LPCAT1: variants seen among roughly 807,000 people sequenced by gnomAD.
The protein encoded by LPCAT1 is lysophosphatidylcholine acyltransferase 1.
A neutral mutation model predicts 60.9 loss-of-function variants in LPCAT1; 23 were observed. That is an observed-to-expected ratio of 0.38 (90% CI 0.27 to 0.53). LPCAT1 has a LOEUF of 0.53. LPCAT1 is among the 20% of genes least tolerant of loss of function. The probability of loss-of-function intolerance (pLI) is 0.82; values close to 1 mark genes in which losing one functional copy is unlikely to be tolerated. For missense variants in LPCAT1, 622 were observed against 723.6 expected (o/e 0.86, Z 1.61); for synonymous variants, 340 against 301.1 (o/e 1.13, Z -1.34).
chr5:1,519,281 G>C (rs751486995), intron 1 of LPCAT1, among the ~76,000 whole-genome samples: 3 of 152,228 alleles, frequency 2.0e-5, no homozygotes, highest in African/African-American at 7.2e-5. Flanking sequence ...GTGTACACTC[G>C]CATGTATATG....
chr5:1,466,227 G>T (rs1370081720), intron 13 of LPCAT1, among the ~76,000 whole-genome samples: 2 of 152,196 alleles, frequency 1.3e-5, no homozygotes, highest in East Asian at 3.9e-4. Context: ...CCGACAGCTC[G>T]TGCTCTGGAA....
chr5:1,487,942 C>A lies in LPCAT1; in HGVS notation c.667+449G>T, dbSNP rs191261104. On this transcript the variant is annotated intron_variant, in intron 5 of 13. Transcript: ENST00000283415. This position sits in a 1 kb window ranked among gnomAD's most constrained non-coding sequence, Gnocchi z 6.1. The stretch of plus-strand genomic sequence containing the variant: ...TTCACACGCATTTGAGTCCCCCCTC[C>A]CCAGGGAGAAAGAACACTGTCTAAC... Among the ~76,000 whole-genome samples the A allele has an allele frequency of 2.0e-4, 31 of 152,294 alleles. No homozygotes were observed. The highest frequency in any genetic ancestry group is 7.0e-4 in the African/African-American group (29 of 41,548).
At position 1,474,787 on chromosome 5, in the gene LPCAT1, G is replaced by A. The variant is rs967699367; in HGVS notation, c.900-102C>T. The stretch of plus-strand genomic sequence containing the variant: ...ATGGCTCAGGGGAGAGGAGGGCTGA[G>A]GAGAGGCAGTGAGACAGGGGAAGGG... On this transcript the variant is annotated intron_variant, in intron 9 of 13. Transcript: ENST00000283415. The A allele has an allele frequency of 7.6e-6, 11 of 1,448,240 alleles. 1 individual carries two copies. The Admixed American group carries it at 2.8e-4, about 36-fold the overall frequency. 89.7% of individuals were successfully genotyped at this position (1,448,240 alleles called of 1,614,324 possible).
intron 12 of LPCAT1, among the ~76,000 whole-genome samples, chr5:1,470,545 GGT>G (rs1381301377): frequency 6.6e-6 from 1 of 152,180 alleles, no homozygotes; most frequent in African/African-American, 2.4e-5. Context: ...AGTGTGTGAT[GGT>G]GTGTGACACC....
At chr5:1,500,551 C>T (rs1048613334) in intron 2 of LPCAT1, among the ~76,000 whole-genome samples, 1 of 151,782 alleles carries the variant, frequency 6.6e-6, no homozygotes, top group East Asian at 1.9e-4. Context: ...AGGCAGCAGG[C>T]CAGGCCAACG....
intron 3 of LPCAT1, among the ~76,000 whole-genome samples, chr5:1,492,230 G>C (rs1019427225): frequency 6.6e-6 from 1 of 152,068 alleles, no homozygotes; most frequent in Non-Finnish European, 1.5e-5. Context: ...CTGGGACAAG[G>C]GGAGATGTCT....
chr5:1,466,977 C>T (rs1479912626), intron 12 of LPCAT1, 87 bp from the exon 13 acceptor site: 19 of 1,323,672 alleles, frequency 1.4e-5, no homozygotes, highest in Non-Finnish European at 1.6e-5. Flanking sequence ...GGCCCTGCCC[C>T]GCTTTGTCAG....
chr5:1,507,752 A>G, intron 1 of LPCAT1, among the ~76,000 whole-genome samples: 1 of 152,254 alleles, frequency 6.6e-6, no homozygotes, highest in Non-Finnish European at 1.5e-5. Flanking sequence ...ACAGGGATCC[A>G]GCAACAGCCA....
At position 1,521,108 on chromosome 5, in the gene LPCAT1, C is replaced by T. The variant is rs1346981709; in HGVS notation, c.135+2602G>A. On this transcript the variant is annotated intron_variant, in intron 1 of 13. Coordinates refer to ENST00000283415, the MANE Select transcript of LPCAT1 (RefSeq NM_024830.5). The surrounding 1 kb of genome is among the most constrained non-coding windows in gnomAD (Gnocchi z 4.3). ...GCTCTCTACTAAATCTATATCCTTG[C>T]TTTAGCCAGAGGATTAAAACATTGC... Among the ~76,000 whole-genome samples the T allele has an allele frequency of 6.6e-6, 1 of 152,188 alleles. No homozygotes were observed. The highest frequency in any genetic ancestry group is 1.5e-5 in the Non-Finnish European group (1 of 68,034).
At chr5:1,470,960 G>A (rs1044135755) in intron 11 of LPCAT1, 36 bp from the exon 12 acceptor site, 9 of 1,585,322 alleles carry the variant, frequency 5.7e-6, no homozygotes, top group East Asian at 2.2e-5. Context: ...CAGCTCGGCC[G>A]CCTTCGGCAC....
At chr5:1,486,248 G>A (rs1735365765) in intron 5 of LPCAT1, among the ~76,000 whole-genome samples, 1 of 152,198 alleles carries the variant, frequency 6.6e-6, no homozygotes, top group African/African-American at 2.4e-5. Flanking sequence ...ACCCCACAGG[G>A]CTCTGCTGAG....
rs932024272 is a variant in LPCAT1 at position 1,521,644 on chromosome 5, T to C, written c.135+2066A>G. ...CGACTGGATGTACAAACACACCTAA[T>C]TCCTCAGATGGAACCTCTGAAGTGG... On this transcript the variant is annotated intron_variant, in intron 1 of 13. Coordinates refer to ENST00000283415, the MANE Select transcript of LPCAT1 (RefSeq NM_024830.5). The surrounding 1 kb of genome is among the most constrained non-coding windows in gnomAD (Gnocchi z 4.3). Among the ~76,000 whole-genome samples the C allele has an allele frequency of 1.3e-5, 2 of 152,178 alleles. No homozygotes were observed. The highest frequency in any genetic ancestry group is 4.8e-5 in the African/African-American group (2 of 41,440).
At chr5:1,464,790 GCA>G (rs1421227321) in intron 13 of LPCAT1, among the ~76,000 whole-genome samples, 10 of 146,790 alleles carry the variant, frequency 6.8e-5, no homozygotes, top group African/African-American at 2.3e-4. Context: ...ACACGTGCGC[GCA>G]CACACACAAA....
In LPCAT1 at chr5:1,523,817, C is replaced by T; in HGVS notation, c.28G>A (p.Ala10Thr). 1.8e-6 allele frequency: 2 copies of T among 1,088,522 alleles called. No individual in the cohort carries two copies. The highest frequency in any genetic ancestry group is 5.6e-5 in the East Asian group (1 of 17,958). 67.4% of individuals were successfully genotyped at this position (1,088,522 alleles called of 1,614,324 possible). MRLRGCGPR[A>T]APASSAGASD... The stretch of plus-strand genomic sequence containing the variant: ...GCCCCTGCGCTGGAGGCAGGGGCGG[C>T]CCGGGGTCCGCATCCCCGCAGCCTC... The change falls in exon 1 of 14, where the codon GCC becomes ACC. Residue 10 changes from alanine (A) to threonine (T), a missense_variant. By Grantham distance (58) the Ala-to-Thr change is moderately conservative. Transcript: ENST00000283415. The surrounding 1 kb of genome is among the most constrained non-coding windows in gnomAD (Gnocchi z 7.1).
intron 8 of LPCAT1, 117 bp downstream of exon 8, chr5:1,479,504 G>C (rs947480976): frequency 2.3e-5 from 18 of 778,414 alleles, no homozygotes; most frequent in Non-Finnish European, 3.9e-5. Context: ...GGAAAGATGG[G>C]AAAGCAAGAC....
In LPCAT1 at chr5:1,522,755, T is replaced by C. The variant is rs1466681618; in HGVS notation, c.135+955A>G. On this transcript the variant is annotated intron_variant, in intron 1 of 13. Transcript: ENST00000283415. The surrounding 1 kb of genome is among the most constrained non-coding windows in gnomAD (Gnocchi z 6.8). ...GCTCCCTACAAACCGGACAGCCCCA[T>C]AGGCCCCGAAACAGTGCTTGCTTCT... is the stretch of plus-strand genomic sequence containing the variant. Among the ~76,000 whole-genome samples the C allele has an allele frequency of 1.3e-5, 2 of 152,180 alleles. No individual in the cohort carries two copies. The highest frequency in any genetic ancestry group is 1.3e-4 in the Admixed American group (2 of 15,282).
rs1320535166 is a variant in LPCAT1, at chr5:1,521,370, A to C, written c.135+2340T>G. Reference sequence around the variant, plus strand: ...ACTGGTTTATCTCAACTGGGAACTTAGCTGGGTTTCTGCGGGTTCTTGAGT... The same window carrying C: ...ACTGGTTTATCTCAACTGGGAACTTCGCTGGGTTTCTGCGGGTTCTTGAGT... On this transcript the variant is annotated intron_variant, in intron 1 of 13. Coordinates refer to ENST00000283415, the MANE Select transcript of LPCAT1 (RefSeq NM_024830.5). This position sits in a 1 kb window ranked among gnomAD's most constrained non-coding sequence, Gnocchi z 4.3. The C allele has an allele frequency of 2.0e-6, 2 of 985,326 alleles. No individual in the cohort carries two copies. Among genetic ancestry groups the C allele is most frequent in the African/African-American group, 3.5e-5 (2 of 57,224 alleles). The allele number at this position is 985,326 out of a possible 1,614,324, so 61.0% of individuals were successfully genotyped here.
chr5:1,519,142 G>A (rs889799204), intron 1 of LPCAT1, among the ~76,000 whole-genome samples: 3 of 152,242 alleles, frequency 2.0e-5, no homozygotes, highest in South Asian at 2.1e-4. Context: ...GACAGTGTCC[G>A]TTTAAGACGA....
intron 1 of LPCAT1, among the ~76,000 whole-genome samples, chr5:1,512,666 G>A (rs371425850): frequency 1.3e-5 from 2 of 152,240 alleles, no homozygotes; most frequent in South Asian, 2.1e-4. Context: ...CCTTCACCTG[G>A]AGTCTTCCTC....
Sources: allele counts gnomAD v4.1 joint callset (sites outside exome capture counted in the v4.1 genomes callset), GRCh38; gene constraint gnomAD v4.1.1; non-coding constraint Gnocchi (gnomAD v3.1); transcripts MANE v1.5; gene names NCBI Gene and HGNC (gene_info 2026-07-23, HGNC 2026-07-21).